HECTD3: variants seen among roughly 807,000 people sequenced by gnomAD.
The protein encoded by HECTD3 is HECT domain E3 ubiquitin protein ligase 3.
Under a neutral mutation model 109.3 loss-of-function variants are expected in HECTD3, and 72 were observed. The ratio of observed to expected loss-of-function variants is 0.66; its 90% CI spans 0.54 to 0.80. HECTD3 has a LOEUF of 0.80. HECTD3 is among the 30% of genes least tolerant of loss of function. The pLI, the probability that HECTD3 is intolerant of heterozygous loss-of-function variation, is 0.00. For synonymous variants in HECTD3, 481 were observed against 471.8 expected (o/e 1.02, Z -0.25); for missense variants, 1,041 against 1,165.2 (o/e 0.89, Z 1.55).
chr1:45,011,273 G>C lies in HECTD3; in HGVS notation c.-16C>G. The C allele has an allele frequency of 7.4e-7, 1 of 1,356,492 alleles. No individual in the cohort carries two copies. Among genetic ancestry groups the C allele is most frequent in the East Asian group, 3.1e-5 (1 of 32,532 alleles). 84.0% of individuals were successfully genotyped at this position (1,356,492 alleles called of 1,614,324 possible). ...GACCCGCCATGGCGAAGTGGCGGAG[G>C]TGAGCACCTAGAGGCGACCCTGCCC... is the stretch of plus-strand genomic sequence containing the variant. On this transcript the variant is annotated 5_prime_UTR_variant, in exon 1 of 21. Coordinates refer to ENST00000372172, the MANE Select transcript of HECTD3 (RefSeq NM_024602.6).
rs369418880 is a variant in HECTD3 at position 45,009,552 on chromosome 1, C to A, written c.875+16G>T. The A allele has an allele frequency of 9.1e-5, 147 of 1,609,658 alleles. No homozygotes were observed. Among genetic ancestry groups the A allele is most frequent in the Non-Finnish European group, 1.2e-4 (142 of 1,176,390 alleles). ...GACATAGCCCACCCACCCTGTCCTG[C>A]CCAGAGCCTACTTACTTGACAATGG... On this transcript the variant is annotated intron_variant, in intron 5 of 20. Coordinates refer to ENST00000372172, the MANE Select transcript of HECTD3 (RefSeq NM_024602.6).
In HECTD3 at chr1:45,004,690, A is replaced by G. The variant is rs771384912; in HGVS notation, c.2052T>C (p.Pro684=). ...ATCCCACGACGATGCCTGCACCCCC[A>G]GGGATCAGCTCCACCACCTGTTGGT... ...LSDQQVVELI[P]GGAGIVVGYG... is the part of the protein sequence containing the mutation. The change falls in exon 16 of 21, where the codon CCT becomes CCC. Residue 684 remains proline, a synonymous_variant. Coordinates refer to ENST00000372172, the MANE Select transcript of HECTD3 (RefSeq NM_024602.6). 3 of 1,614,088 alleles carry G rather than the reference A, an allele frequency of 1.9e-6. No homozygotes were observed. The highest frequency in any genetic ancestry group is 2.5e-6 in the Non-Finnish European group (3 of 1,180,040).
In HECTD3 at chr1:45,004,332, C is replaced by T. The variant is rs1021656319; in HGVS notation, c.2188G>A (p.Val730Met). Reference sequence around the variant, plus strand: ...TCTTGCCAGGTCAGCAAGTCCAGCACAGCCTGTGGTACCACCTTCAGCAGA... The same window carrying T: ...TCTTGCCAGGTCAGCAAGTCCAGCATAGCCTGTGGTACCACCTTCAGCAGA... ...AGLLKVVPQA[V>M]LDLLTWQELE... The change falls in exon 17 of 21, where the codon GTG becomes ATG. Residue 730 changes from valine to methionine, a missense_variant. This residue lies in a region of HECTD3 where 569 missense variants were observed against 715.3 expected (regional missense o/e 0.80). Coordinates refer to ENST00000372172, the MANE Select transcript of HECTD3 (RefSeq NM_024602.6). 1.9e-6 allele frequency: 3 copies of T among 1,613,982 alleles called. No homozygotes were observed. Among genetic ancestry groups the T allele is most frequent in the Non-Finnish European group, 2.5e-6 (3 of 1,179,952 alleles).
At position 45,003,432 on chromosome 1, in the gene HECTD3, C is replaced by T; in HGVS notation, c.*60G>A. 1 of 1,503,290 alleles carries T rather than the reference C, an allele frequency of 6.7e-7. No homozygotes were observed. Among genetic ancestry groups the T allele is most frequent in the South Asian group, 1.1e-5 (1 of 88,726 alleles). The allele number at this position is 1,503,290 out of a possible 1,614,324, so 93.1% of individuals were successfully genotyped here. Reference sequence around the variant, plus strand: ...ACCAGGGCAGGGAAGGTGTCTTCGCCCTGGGCAAGGCCAAGAGGGACACGT... The same window carrying T: ...ACCAGGGCAGGGAAGGTGTCTTCGCTCTGGGCAAGGCCAAGAGGGACACGT... On this transcript the variant is annotated 3_prime_UTR_variant, in exon 21 of 21. Transcript: ENST00000372172. The surrounding 1 kb of genome is among the most constrained non-coding windows in gnomAD (Gnocchi z 4.7).
Position 45,006,306 on chromosome 1 carries a change from CTA to C in HECTD3, c.1726-192_1726-191del. ...ACTCAGTCCCTCCTCTGCCCTATTT[CTA>C]TTTTTTTTTTTTTTTGAGACAGAGT... On this transcript the variant is annotated intron_variant, in intron 13 of 20. Coordinates refer to ENST00000372172, the MANE Select transcript of HECTD3 (RefSeq NM_024602.6). The surrounding 1 kb of genome is among the most constrained non-coding windows in gnomAD (Gnocchi z 4.7). 7.8e-6 allele frequency: 4 copies of C among 515,446 alleles called. No homozygotes were observed. The highest frequency in any genetic ancestry group is 2.9e-5 in the South Asian group (1 of 34,744). The allele number at this position is 515,446 out of a possible 1,614,324, so 31.9% of individuals were successfully genotyped here.
At position 45,011,277 on chromosome 1, in the gene HECTD3, G is replaced by A; in HGVS notation, c.-20C>T. The A allele has an allele frequency of 3.7e-6, 5 of 1,351,000 alleles. No homozygotes were observed. Among genetic ancestry groups the A allele is most frequent in the Non-Finnish European group, 4.7e-6 (5 of 1,056,758 alleles). The allele number at this position is 1,351,000 out of a possible 1,614,324, so 83.7% of individuals were successfully genotyped here. ...CGCCATGGCGAAGTGGCGGAGGTGA[G>A]CACCTAGAGGCGACCCTGCCCGGGG... On this transcript the variant is annotated 5_prime_UTR_variant, in exon 1 of 21. Transcript: ENST00000372172.
At position 45,007,031 on chromosome 1, in the gene HECTD3, G is replaced by A. The variant is rs953628135; in HGVS notation, c.1557-16C>T. 1.9e-6 allele frequency: 3 copies of A among 1,613,984 alleles called. No homozygotes were observed. Among genetic ancestry groups the A allele is most frequent in the Admixed American group, 1.7e-5 (1 of 60,006 alleles). On this transcript the variant is annotated splice_polypyrimidine_tract_variant and intron_variant, in intron 11 of 20. Coordinates refer to ENST00000372172, the MANE Select transcript of HECTD3 (RefSeq NM_024602.6). ...CATGGGCCACCTGCAAAAAACGTGG[G>A]CAGATTTGTCATTATGTGGGGCCAG...
chr1:45,007,665 C>T, intron 9 of HECTD3, 70 bp from the exon 10 acceptor site: 1 of 1,306,026 alleles, frequency 7.7e-7, no homozygotes, highest in Non-Finnish European at 1.1e-6. Context: ...TGGAACTTTC[C>T]CCTCTGCCTG....
chr1:45,008,467 C>T (rs1644755638), intron 8 of HECTD3, 69 bp downstream of exon 8: 1 of 1,561,938 alleles, frequency 6.4e-7, no homozygotes, highest in African/African-American at 1.4e-5. Context: ...TGGGAACCTC[C>T]TCCATGCAGA....
In HECTD3 at chr1:45,006,265, G is replaced by GGGCAACCTCTGGGC; in HGVS notation, c.1726-150_1726-149insGCCCAGAGGTTGCC. ...GGCTCCTCCTCTCCCTGTCTGCCCA[G>GGGCAACCTCTGGGC]AGGTTGCCCTGAGCAACTCAGTCCC... On this transcript the variant is annotated intron_variant, in intron 13 of 20. Coordinates refer to ENST00000372172, the MANE Select transcript of HECTD3 (RefSeq NM_024602.6). This position sits in a 1 kb window ranked among gnomAD's most constrained non-coding sequence, Gnocchi z 4.7. 9.7e-7 allele frequency: 1 copy of GGGCAACCTCTGGGC among 1,033,242 alleles called. No homozygotes were observed. Among genetic ancestry groups the GGGCAACCTCTGGGC allele is most frequent in the Non-Finnish European group, 1.4e-6 (1 of 709,030 alleles). The allele number at this position is 1,033,242 out of a possible 1,614,324, so 64.0% of individuals were successfully genotyped here.
At position 45,008,606 on chromosome 1, in the gene HECTD3, G is replaced by C. The variant is rs779654418; in HGVS notation, c.1168C>G (p.Leu390Val). Reference protein sequence around the residue: ...LNADLFQPTSLVRYPRLEGTD... With the variant: ...LNADLFQPTSVVRYPRLEGTD... ...CCTTCTAGGCGTGGATATCGCACCA[G>C]ACTAGTTGGCTGGAACAGGTCTGCA... Residue 390 changes from leucine (L) to valine (V), a missense_variant, in exon 8 of 21, where the codon CTG becomes GTG. Leu to Val is a conservative substitution (Grantham distance 32, BLOSUM62 1). Around this residue, in one of 2 missense-constraint regions of HECTD3, gnomAD observed 569 missense variants for 715.3 expected, o/e 0.80. Coordinates refer to ENST00000372172, the MANE Select transcript of HECTD3 (RefSeq NM_024602.6). The C allele has an allele frequency of 1.9e-6, 3 of 1,614,070 alleles. No homozygotes were observed. The highest frequency in any genetic ancestry group is 2.5e-6 in the Non-Finnish European group (3 of 1,179,964).
In HECTD3 at chr1:45,010,538, T is replaced by C. The variant is rs775302600; in HGVS notation, c.530+8A>G. 8.2e-5 allele frequency: 132 copies of C among 1,613,264 alleles called. No homozygotes were observed. Among genetic ancestry groups the C allele is most frequent in the Non-Finnish European group, 1.1e-4 (125 of 1,179,928 alleles). The stretch of plus-strand genomic sequence containing the variant: ...TGACAGCCAGCCCCGCTCCTTCAAG[T>C]GCAGTACCTGAGCACCGGCCGATAA... On this transcript the variant is annotated splice_region_variant and intron_variant, in intron 2 of 20. Coordinates refer to ENST00000372172, the MANE Select transcript of HECTD3 (RefSeq NM_024602.6).
At chr1:45,009,531 T>G in intron 5 of HECTD3, 37 bp downstream of exon 5, 4 of 1,601,822 alleles carry the variant, frequency 2.5e-6, no homozygotes, top group South Asian at 1.1e-5. Flanking sequence ...CACAGGGACA[T>G]AGCCCACCCA....
chr1:45,006,276 G>T lies in HECTD3; in HGVS notation c.1726-160C>A. 2 of 816,184 alleles carry T rather than the reference G, an allele frequency of 2.5e-6. No individual in the cohort carries two copies. The highest frequency in any genetic ancestry group is 3.8e-6 in the Non-Finnish European group (2 of 521,768). The allele number at this position is 816,184 out of a possible 1,614,324, so 50.6% of individuals were successfully genotyped here. A position where few individuals can be genotyped will look rare whatever the true frequency, so the allele number is the denominator to read the frequency against. The stretch of plus-strand genomic sequence containing the variant: ...TCCCTGTCTGCCCAGAGGTTGCCCT[G>T]AGCAACTCAGTCCCTCCTCTGCCCT... On this transcript the variant is annotated intron_variant, in intron 13 of 20. Transcript: ENST00000372172. This position sits in a 1 kb window ranked among gnomAD's most constrained non-coding sequence, Gnocchi z 4.7.
intron 6 of HECTD3, 27 bp downstream of exon 6, chr1:45,009,342 C>T: frequency 1.3e-6 from 2 of 1,578,262 alleles, no homozygotes; most frequent in South Asian, 1.1e-5. Flanking sequence ...ACATGCCCTA[C>T]TTCCCTCCCC....
Position 45,005,854 on chromosome 1 carries a change from CT to C in HECTD3, c.1874del (p.Lys625SerfsTer8), listed in dbSNP as rs748743839. ...LVLALPGFVW[K>X]QLSGEEVSWS... is the part of the protein sequence containing the mutation. Reference sequence around the variant, plus strand: ...AGCTCACCTCCTCACCAGAAAGCTGCTTCCACACAAAACCAGGCAGGGCCAG... The same window carrying C: ...AGCTCACCTCCTCACCAGAAAGCTGCTCCACACAAAACCAGGCAGGGCCAG... On this transcript the variant is annotated frameshift_variant, in exon 15 of 21. Coordinates refer to ENST00000372172, the MANE Select transcript of HECTD3 (RefSeq NM_024602.6). LOFTEE classifies it high-confidence loss of function. The C allele has an allele frequency of 6.2e-6, 10 of 1,609,384 alleles. No individual in the cohort carries two copies. The highest frequency in any genetic ancestry group is 7.6e-6 in the Non-Finnish European group (9 of 1,177,582).
chr1:45,006,842 C>T lies in HECTD3; in HGVS notation c.1622-47G>A, dbSNP rs1369104034. 3 of 1,594,712 alleles carry T rather than the reference C, an allele frequency of 1.9e-6. No individual in the cohort carries two copies. The highest frequency in any genetic ancestry group is 2.7e-5 in the African/African-American group (2 of 74,408). The stretch of plus-strand genomic sequence containing the variant: ...GCTGGGCACTCAAGAGCCCAGCTCC[C>T]ATAATGGGGTAATGAATAGGTCCCC... On this transcript the variant is annotated intron_variant, in intron 12 of 20. Coordinates refer to ENST00000372172, the MANE Select transcript of HECTD3 (RefSeq NM_024602.6). The surrounding 1 kb of genome is among the most constrained non-coding windows in gnomAD (Gnocchi z 4.7).
In HECTD3 at chr1:45,008,577, G is replaced by C. The variant is rs760918175; in HGVS notation, c.1197C>G (p.Thr399=). 2 of 1,613,964 alleles carry C rather than the reference G, an allele frequency of 1.2e-6. No individual in the cohort carries two copies. Among genetic ancestry groups the C allele is most frequent in the Non-Finnish European group, 1.7e-6 (2 of 1,179,924 alleles). ...CTCTGCGGTACAGTACTTCAGGGTC[G>C]GTGCCTTCTAGGCGTGGATATCGCA... ...SLVRYPRLEG[T]DPEVLYRRAV... is the part of the protein sequence containing the mutation. The change falls in exon 8 of 21, where the codon ACC becomes ACG. Residue 399 remains threonine (T), a synonymous_variant. Transcript: ENST00000372172.
In HECTD3 at chr1:45,002,666, G is replaced by C. The variant is rs991348256; in HGVS notation, c.*826C>G. The C allele has an allele frequency of 1.5e-4, 23 of 152,264 alleles. No homozygotes were observed. Among genetic ancestry groups the C allele is most frequent in the African/African-American group, 5.6e-4 (23 of 41,424 alleles). 9.4% of individuals were successfully genotyped at this position (152,264 alleles called of 1,614,324 possible). On this transcript the variant is annotated 3_prime_UTR_variant, in exon 21 of 21. Transcript: ENST00000372172. ...AGGGGTGTGCATAGCTCTAGGAACAGGTTTAAGGTCTAGGCTTTAGAGTTG... is the reference window on the plus strand; with the variant it reads ...AGGGGTGTGCATAGCTCTAGGAACACGTTTAAGGTCTAGGCTTTAGAGTTG...
Sources: allele counts gnomAD v4.1 joint callset, GRCh38; gene constraint gnomAD v4.1.1; regional missense constraint gnomAD v4.1.1; non-coding constraint Gnocchi (gnomAD v3.1); transcripts MANE v1.5; gene names NCBI Gene and HGNC (gene_info 2026-07-23, HGNC 2026-07-21).